Variants in CABLES1 observed in about 807,000 individuals in gnomAD.
The protein encoded by CABLES1 is CDK5 and ABL1 enzyme substrate 1.
In CABLES1, 36 loss-of-function variants were observed where a neutral mutation model predicts 57.8. The ratio of observed to expected loss-of-function variants is 0.62; its 90% CI spans 0.48 to 0.82. CABLES1 has a LOEUF of 0.82. CABLES1 is among the 40% of genes least tolerant of loss of function. The pLI, the probability that CABLES1 is intolerant of heterozygous loss-of-function variation, is 0.00. For missense variants in CABLES1, 767 were observed against 836.6 expected, an observed-to-expected ratio of 0.92 and a Z score of 1.03; for synonymous variants, 374 against 363.0, an observed-to-expected ratio of 1.03 and a Z score of -0.35.
chr18:23,167,715 G>T (rs528350157), intron 1 of CABLES1, among the ~76,000 whole-genome samples: 1 of 150,958 alleles, frequency 6.6e-6, no homozygotes, highest in East Asian at 2.0e-4. Flanking sequence ...AAGCCCGGGA[G>T]GCCATGGGAG....
intron 1 of CABLES1, among the ~76,000 whole-genome samples, chr18:23,167,874 G>A (rs1456345618): frequency 6.6e-6 from 1 of 152,228 alleles, no homozygotes; most frequent in Non-Finnish European, 1.5e-5. Flanking sequence ...AGATTGGCAT[G>A]GAAGGAGACA....
intron 2 of CABLES1, among the ~76,000 whole-genome samples, chr18:23,192,747 C>T (rs900409283): frequency 2.6e-5 from 4 of 152,150 alleles, no homozygotes; most frequent in African/African-American, 7.2e-5. Context: ...ACCTTCTTTG[C>T]GTGTGTGTGA....
At chr18:23,176,952 C>A (rs2047127449) in intron 1 of CABLES1, among the ~76,000 whole-genome samples, 1 of 152,002 alleles carries the variant, frequency 6.6e-6, no homozygotes, top group African/African-American at 2.4e-5. Context: ...GATGTGAGGA[C>A]CCCCGCCTGA....
intron 6 of CABLES1, 97 bp downstream of exon 6, chr18:23,236,148 CAG>C (rs1014140852): frequency 6.2e-5 from 80 of 1,281,398 alleles, no homozygotes; most frequent in Admixed American, 3.2e-4. Flanking sequence ...GACTGGAAGA[CAG>C]GGGCTCGCAG....
intron 1 of CABLES1, chr18:23,149,750 A>C (rs7244464): frequency 0.76 from 115,420 of 152,166 alleles, 44,049 homozygotes; most frequent in South Asian, 0.82. Flanking sequence ...CCACTGGGTC[A>C]GAAGCTCTGG....
Position 23,135,682 on chromosome 18 carries a change from C to G in CABLES1, c.-81C>G. On this transcript the variant is annotated 5_prime_UTR_variant, in exon 1 of 10. Coordinates refer to ENST00000256925, the MANE Select transcript of CABLES1 (RefSeq NM_001100619.3). ...CCGCGCCCTACCCAGCCCGGGTCGC[C>G]GCCGCTCGCGCCCGCCGCTTAGCGC... The G allele has an allele frequency of 1.0e-6, 1 of 981,656 alleles. No individual in the cohort carries two copies. Among genetic ancestry groups the G allele is most frequent in the Non-Finnish European group, 1.2e-6 (1 of 828,364 alleles). The allele number at this position is 981,656 out of a possible 1,614,324, so 60.8% of individuals were successfully genotyped here.
intron 4 of CABLES1, among the ~76,000 whole-genome samples, chr18:23,216,406 G>A (rs1027321731): frequency 2.0e-5 from 3 of 152,172 alleles, no homozygotes; most frequent in Admixed American, 6.5e-5. Flanking sequence ...ACCTTGCTGC[G>A]AAATGGAGCT....
intron 1 of CABLES1, among the ~76,000 whole-genome samples, chr18:23,174,308 A>C (rs2047104875): frequency 6.6e-6 from 1 of 152,204 alleles, no homozygotes; most frequent in Non-Finnish European, 1.5e-5. Flanking sequence ...ATGGCAGAAT[A>C]ATACTGCATT....
chr18:23,176,365 C>A (rs1267993282), intron 1 of CABLES1, among the ~76,000 whole-genome samples: 2 of 152,224 alleles, frequency 1.3e-5, no homozygotes, highest in South Asian at 4.1e-4. Flanking sequence ...AATCTGATGC[C>A]CCGCTGATCT....
chr18:23,241,777 T>C (rs2047742325), intron 7 of CABLES1, among the ~76,000 whole-genome samples: 1 of 152,152 alleles, frequency 6.6e-6, no homozygotes, highest in Non-Finnish European at 1.5e-5. Flanking sequence ...GTCCTAAGTG[T>C]AATATAAAAA....
intron 1 of CABLES1, among the ~76,000 whole-genome samples, chr18:23,162,217 TC>T (rs2047010551): frequency 6.6e-6 from 1 of 152,202 alleles, no homozygotes; most frequent in Non-Finnish European, 1.5e-5. Flanking sequence ...ATGAATTGTT[TC>T]TTTTTCACAT....
In CABLES1 at chr18:23,202,843, C is replaced by T. The variant is rs552453510; in HGVS notation, c.1010+8303C>T. On this transcript the variant is annotated intron_variant, in intron 3 of 9. Coordinates refer to ENST00000256925, the MANE Select transcript of CABLES1 (RefSeq NM_001100619.3). ...CTACTAAAAATACAAAAAAATTAGC[C>T]GGGCATGGTGGCGGGTGCCTGTAGT... Among the ~76,000 whole-genome samples the T allele has an allele frequency of 1.2e-4, 19 of 152,184 alleles. No individual in the cohort carries two copies. In the South Asian group the frequency reaches 2.3e-3, roughly 18 times the overall value.
intron 3 of CABLES1, among the ~76,000 whole-genome samples, chr18:23,202,869 C>A (rs916234422): frequency 6.6e-6 from 1 of 152,068 alleles, no homozygotes; most frequent in Non-Finnish European, 1.5e-5. Context: ...TGCCTGTAGT[C>A]CCAGTTACTC....
At position 23,237,234 on chromosome 18, in the gene CABLES1, C is replaced by G; in HGVS notation, c.1435C>G (p.Pro479Ala). ...CAAACACAAACGCGTTCTGATCTTC[C>G]CTTCCTACATGGTGAGTAGCGTGGA... ...CGKHKRVLIFPSYMTTVIDYV... is the reference protein window; with the variant it reads ...CGKHKRVLIFASYMTTVIDYV... The change falls in exon 7 of 10, where the codon CCT (proline) becomes GCT (alanine). Residue 479 changes from proline to alanine, a missense_variant. By Grantham distance (27) the Pro-to-Ala change is conservative. Transcript: ENST00000256925. 6.2e-7 allele frequency: 1 copy of G among 1,608,390 alleles called. No homozygotes were observed. The highest frequency in any genetic ancestry group is 8.5e-7 in the Non-Finnish European group (1 of 1,174,716).
chr18:23,174,405 G>A (rs1031583017), intron 1 of CABLES1, among the ~76,000 whole-genome samples: 4 of 152,106 alleles, frequency 2.6e-5, no homozygotes, highest in Non-Finnish European at 2.9e-5. Context: ...TTGTGTGGAT[G>A]TATCTTGGCA....
chr18:23,177,418 TACACACAC>T (rs10692529), intron 1 of CABLES1, among the ~76,000 whole-genome samples: 84 of 144,638 alleles, frequency 5.8e-4, no homozygotes, highest in African/African-American at 1.7e-3. Context: ...AGCACATGTG[TACACACAC>T]ACACACACAC....
intron 3 of CABLES1, among the ~76,000 whole-genome samples, chr18:23,212,568 C>T (rs141756390): frequency 1.6e-4 from 24 of 152,240 alleles, no homozygotes; most frequent in Non-Finnish European, 1.8e-4. Flanking sequence ...CCTCCCATGA[C>T]GGATATTCAA....
chr18:23,165,082 CT>C (rs1299203424), intron 1 of CABLES1, among the ~76,000 whole-genome samples: 1 of 151,980 alleles, frequency 6.6e-6, no homozygotes, highest in Non-Finnish European at 1.5e-5. Context: ...CTTAACTATT[CT>C]TTTAACCATT....
intron 2 of CABLES1, among the ~76,000 whole-genome samples, chr18:23,192,621 C>T (rs2047252631): frequency 6.6e-6 from 1 of 152,210 alleles, no homozygotes; most frequent in South Asian, 2.1e-4. Context: ...AGCTCTGCTC[C>T]TGGGAAAGGA....
Sources: gnomAD v4.1 joint callset for allele counts (sites outside exome capture counted in the v4.1 genomes callset) on GRCh38, gnomAD v4.1.1 for gene constraint, MANE v1.5 for transcripts, NCBI Gene and HGNC (gene_info 2026-07-23, HGNC 2026-07-21) for gene names.